NSD2: variants seen among roughly 807,000 people sequenced by gnomAD.
The protein encoded by NSD2 is histone-lysine N-methyltransferase NSD2.
In NSD2, 12 loss-of-function variants were observed where a neutral mutation model predicts 139.0. The ratio of observed to expected loss-of-function variants is 0.09; its 90% confidence interval spans 0.06 to 0.14. The LOEUF is 0.14. Among genes scored for constraint, NSD2 ranks in the 10% least tolerant of loss-of-function variants. NSD2 has a pLI of 1.00. For missense variants in NSD2, 1,155 were observed against 1,745.0 expected, an observed-to-expected ratio of 0.66 and a Z score of 6.02; for synonymous variants, 669 against 648.7, an observed-to-expected ratio of 1.03 and a Z score of -0.48.
chr4:1,891,040 C>G (rs886732547), intron 1 of NSD2, among the ~76,000 whole-genome samples: 1 of 151,842 alleles, frequency 6.6e-6, no homozygotes, highest in Non-Finnish European at 1.5e-5. Flanking sequence ...ACCACAGGCA[C>G]ATGCCACCAC....
Position 1,919,984 on chromosome 4 carries a change from T to C in NSD2, c.1410+1361T>C, listed in dbSNP as rs543930029. On this transcript the variant is annotated intron_variant, in intron 5 of 21. Coordinates refer to ENST00000508803, the MANE Select transcript of NSD2 (RefSeq NM_001042424.3). The stretch of plus-strand genomic sequence containing the variant: ...CTTCAAAAAATTTTCCATGAATCTT[T>C]AACCAGCATGTATTTTGTGGCAGGC... Among the ~76,000 whole-genome samples, 110 of 152,232 alleles carry C rather than the reference T, an allele frequency of 7.2e-4. 1 individual carries two copies. Among genetic ancestry groups the C allele is most frequent in the African/African-American group, 2.5e-3 (103 of 41,560 alleles).
At chr4:1,883,355 G>A (rs953935349) in intron 1 of NSD2, among the ~76,000 whole-genome samples, 1 of 151,738 alleles carries the variant, frequency 6.6e-6, no homozygotes, top group Non-Finnish European at 1.5e-5. Flanking sequence ...TGCAGGGCTG[G>A]GCGCAGTGGC....
chr4:1,884,747 A>G (rs1160565733), intron 1 of NSD2, among the ~76,000 whole-genome samples: 2 of 152,140 alleles, frequency 1.3e-5, no homozygotes, highest in African/African-American at 2.4e-5. Flanking sequence ...TTGGGATTAT[A>G]TATCGTGTTA....
chr4:1,943,048 T>C, intron 9 of NSD2: 1 of 1,050,714 alleles, frequency 9.5e-7, no homozygotes, highest in Non-Finnish European at 1.1e-6. Context: ...ACCAAGGGGA[T>C]ACTGTAATCA....
Position 1,953,412 on chromosome 4 carries a change from T to G in NSD2, c.2226T>G (p.Ala742=). Residue 742 remains alanine (A), a synonymous_variant, in exon 12 of 22, where the codon GCT becomes GCG. Coordinates refer to ENST00000508803, the MANE Select transcript of NSD2 (RefSeq NM_001042424.3). ...AGTGTGGAAAATTTTACCATGAGGCTTGTGTGAAAAAATACCCTCTGACTG... is the reference window on the plus strand; with the variant it reads ...AGTGTGGAAAATTTTACCATGAGGCGTGTGTGAAAAAATACCCTCTGACTG... ...VTQCGKFYHE[A]CVKKYPLTVF... 1 of 1,614,236 alleles carries G rather than the reference T, an allele frequency of 6.2e-7. No individual in the cohort carries two copies. The highest frequency in any genetic ancestry group is 8.5e-7 in the Non-Finnish European group (1 of 1,180,034).
intron 7 of NSD2, among the ~76,000 whole-genome samples, chr4:1,937,741 T>C (rs187774719): frequency 3.3e-5 from 5 of 152,272 alleles, no homozygotes; most frequent in Non-Finnish European, 7.4e-5. Flanking sequence ...GTGGGTGAGA[T>C]GGAGTATGAG....
intron 1 of NSD2, among the ~76,000 whole-genome samples, chr4:1,877,497 C>G (rs1714346761): frequency 6.6e-6 from 1 of 152,180 alleles, no homozygotes; most frequent in Non-Finnish European, 1.5e-5. Flanking sequence ...TTTGTGTGGT[C>G]AATTTTTGTT....
At chr4:1,969,905 C>A (rs1726268366) in intron 18 of NSD2, among the ~76,000 whole-genome samples, 1 of 152,140 alleles carries the variant, frequency 6.6e-6, no homozygotes, top group Non-Finnish European at 1.5e-5. Context: ...AGGAGTGAAA[C>A]AAGGAAAAGA....
At position 1,976,588 on chromosome 4, in the gene NSD2, C is replaced by T. The variant is rs369754551; in HGVS notation, c.3735C>T (p.Cys1245=). The change falls in exon 21 of 22, where the codon TGC becomes TGT. Residue 1245 remains cysteine, a synonymous_variant. Coordinates refer to ENST00000508803, the MANE Select transcript of NSD2 (RefSeq NM_001042424.3). This position sits in a 1 kb window ranked among gnomAD's most constrained non-coding sequence, Gnocchi z 5.3. Reference sequence around the variant, plus strand: ...AGTCAGAGGACGAGTGCTTCCGCTGCGGTGATGGCGGGCAGCTGGTGCTGT... The same window carrying T: ...AGTCAGAGGACGAGTGCTTCCGCTGTGGTGATGGCGGGCAGCTGGTGCTGT... ...KRQSEDECFR[C]GDGGQLVLCD... is the part of the protein sequence containing the mutation. 44 of 1,612,108 alleles carry T rather than the reference C, an allele frequency of 2.7e-5. No individual in the cohort carries two copies. The South Asian group carries it at 3.3e-4, about 12-fold the overall frequency.
At chr4:1,947,038 G>A (rs185513809) in intron 9 of NSD2, 8 of 1,063,694 alleles carry the variant, frequency 7.5e-6, no homozygotes, top group Middle Eastern at 4.2e-4. Context: ...GTCCTGGTCC[G>A]GCTGATGGGG....
intron 3 of NSD2, among the ~76,000 whole-genome samples, chr4:1,915,109 CTCTTT>C (rs1560630229): frequency 7.3e-6 from 1 of 136,860 alleles, no homozygotes; most frequent in African/African-American, 2.8e-5. Context: ...TTCTTTTTTT[CTCTTT>C]TTTTTTTTTT....
intron 3 of NSD2, chr4:1,912,143 G>A: frequency 2.6e-6 from 1 of 388,938 alleles, no homozygotes. Context: ...AAATTGTACT[G>A]AAAGATTAAT....
chr4:1,888,668 G>A (rs940478554), intron 1 of NSD2, among the ~76,000 whole-genome samples: 4 of 151,864 alleles, frequency 2.6e-5, no homozygotes, highest in Non-Finnish European at 5.9e-5. Context: ...GGGTTCAAGC[G>A]ATTTTCCTGC....
intron 4 of NSD2, 33 bp downstream of exon 4, chr4:1,917,070 C>G (rs1196184795): frequency 1.8e-5 from 28 of 1,523,270 alleles, no homozygotes; most frequent in Non-Finnish European, 2.5e-5. Context: ...ACTTTTAGAC[C>G]AGAAATTTAA....
rs375434376 is a variant in NSD2 at position 1,967,565 on chromosome 4, G to A, written c.3372+6414G>A. Among the ~76,000 whole-genome samples the A allele has an allele frequency of 6.0e-5, 9 of 151,222 alleles. No homozygotes were observed. In the South Asian group the frequency reaches 8.3e-4, roughly 14 times the overall value. On this transcript the variant is annotated intron_variant, in intron 18 of 21. Transcript: ENST00000508803. ...TGCACTCCAGCCCAGGCAACAGAGC[G>A]AGACTTTGTCTCAAAAAAAAAAAAA...
Position 1,916,694 on chromosome 4 carries a change from GTTAA to G in NSD2, c.761-173_761-170del, listed in dbSNP as rs538168854. 8.5e-5 allele frequency among the ~76,000 whole-genome samples: 13 copies of G among 152,322 alleles called. No homozygotes were observed. In the East Asian group the frequency reaches 2.3e-3, roughly 27 times the overall value. On this transcript the variant is annotated intron_variant, in intron 3 of 21. Coordinates refer to ENST00000508803, the MANE Select transcript of NSD2 (RefSeq NM_001042424.3). ...TGAACCTTATCTGAGTCTCTTGTAA[GTTAA>G]TTAGTTTCCCTCTTTGGCATGTGGC...
At chr4:1,914,833 CT>C (rs1005688359) in intron 3 of NSD2, among the ~76,000 whole-genome samples, 2 of 152,156 alleles carry the variant, frequency 1.3e-5, no homozygotes, top group African/African-American at 2.4e-5. Flanking sequence ...GGAGGCTGGC[CT>C]TTCACCCAAC....
chr4:1,928,851 T>C (rs1050918302), intron 5 of NSD2, among the ~76,000 whole-genome samples: 1 of 152,046 alleles, frequency 6.6e-6, no homozygotes, highest in African/African-American at 2.4e-5. Flanking sequence ...CTTCCACTGG[T>C]TGAAGAGCTG....
In NSD2 at chr4:1,942,530, C is replaced by A; in HGVS notation, c.1881+2752C>A. On this transcript the variant is annotated intron_variant, in intron 9 of 21. Transcript: ENST00000508803. The surrounding 1 kb of genome is among the most constrained non-coding windows in gnomAD (Gnocchi z 4.0). ...TTTTACTGGTATTAATAAACACATA[C>A]AATGAAGAAAACAGATAACAAATTT... 1.4e-6 allele frequency: 2 copies of A among 1,421,548 alleles called. No homozygotes were observed. The highest frequency in any genetic ancestry group is 1.7e-5 in the South Asian group (1 of 58,358). The allele number at this position is 1,421,548 out of a possible 1,614,324, so 88.1% of individuals were successfully genotyped here.
Sources: allele counts gnomAD v4.1 joint callset (sites outside exome capture counted in the v4.1 genomes callset), GRCh38; gene constraint gnomAD v4.1.1; non-coding constraint Gnocchi (gnomAD v3.1); transcripts MANE v1.5; gene names NCBI Gene and HGNC (gene_info 2026-07-23, HGNC 2026-07-21).